CSE1L: variants seen among roughly 807,000 people sequenced by gnomAD.
The protein encoded by CSE1L is exportin-2.
A neutral mutation model predicts 120.4 loss-of-function variants in CSE1L; 24 were observed. That is an observed-to-expected ratio of 0.20 (90% CI 0.14 to 0.28). CSE1L has a LOEUF of 0.28. CSE1L is among the 10% of genes least tolerant of loss of function. The pLI, the probability that CSE1L is intolerant of heterozygous loss-of-function variation, is 1.00. For synonymous variants in CSE1L, 402 were observed against 398.3 expected (o/e 1.01, Z -0.11); for missense variants, 830 against 1,145.2 (o/e 0.72, Z 3.97).
At chr20:49,081,776 C>T (rs1937059482) in intron 14 of CSE1L, among the ~76,000 whole-genome samples, 1 of 152,164 alleles carries the variant, frequency 6.6e-6, no homozygotes, top group African/African-American at 2.4e-5. Context: ...AACTTGCACT[C>T]ATCTTATTTC....
chr20:49,091,917 A>G (rs1419288849), intron 21 of CSE1L, 129 bp from the exon 22 acceptor site: 1 of 629,814 alleles, frequency 1.6e-6, no homozygotes, highest in African/African-American at 1.9e-5. Context: ...TCTATTTACT[A>G]GAAGGCAGGT....
rs543451759 is a variant in CSE1L, at chr20:49,050,667, TC to T, written c.-12+4247del. On this transcript the variant is annotated intron_variant, in intron 1 of 24. Transcript: ENST00000262982. Reference sequence around the variant, plus strand: ...CTCAGATGATCCGCCTGCTTCGGCCTCCCAAAGTGCTGGGATTACAGACGTA... The same window carrying T: ...CTCAGATGATCCGCCTGCTTCGGCCTCCAAAGTGCTGGGATTACAGACGTA... 1.6e-3 allele frequency among the ~76,000 whole-genome samples: 240 copies of T among 151,954 alleles called. 1 individual carries two copies. The highest frequency in any genetic ancestry group is 5.6e-3 in the African/African-American group (230 of 41,422).
At chr20:49,091,996 G>A (rs1568788729) in intron 21 of CSE1L, 50 bp from the exon 22 acceptor site, 1 of 999,164 alleles carries the variant, frequency 1.0e-6, no homozygotes, top group Non-Finnish European at 1.6e-6. Flanking sequence ...TCAGTTACCA[G>A]TTTAGTGCGT....
chr20:49,075,193 GTTCT>G, intron 11 of CSE1L, 121 bp from the exon 12 acceptor site: 1 of 770,644 alleles, frequency 1.3e-6, no homozygotes, highest in African/African-American at 1.8e-5. Context: ...TTTGTTTTTC[GTTCT>G]TTTTTTTCCG....
At position 49,094,011 on chromosome 20, in the gene CSE1L, AT is replaced by A. The variant is rs2092121692; in HGVS notation, c.2448-128del. Reference sequence around the variant, plus strand: ...ATGTTTTGACTTTCAGTCTCTTCAGATGATCAAAAACAGCAGTCTTGTTATT... The same window carrying A: ...ATGTTTTGACTTTCAGTCTCTTCAGAGATCAAAAACAGCAGTCTTGTTATT... On this transcript the variant is annotated intron_variant, in intron 22 of 24. Transcript: ENST00000262982. 6.2e-5 allele frequency: 39 copies of A among 627,532 alleles called. No individual in the cohort carries two copies. In the South Asian group the frequency reaches 6.8e-4, roughly 11 times the overall value. 38.9% of individuals were successfully genotyped at this position (627,532 alleles called of 1,614,324 possible). A position where few individuals can be genotyped will look rare whatever the true frequency, so the allele number is the denominator to read the frequency against.
intron 7 of CSE1L, among the ~76,000 whole-genome samples, chr20:49,069,668 AT>A (rs1489199846): frequency 6.6e-6 from 1 of 152,200 alleles, no homozygotes; most frequent in Non-Finnish European, 1.5e-5. Flanking sequence ...GAGTACTACT[AT>A]TTTTGCTTAC....
At chr20:49,061,489 AT>A (rs747121923) in intron 2 of CSE1L, among the ~76,000 whole-genome samples, 15 of 76,696 alleles carry the variant, frequency 2.0e-4, no homozygotes, top group African/African-American at 6.9e-4. Flanking sequence ...TATTATTATT[AT>A]TTATTTATTT....
intron 17 of CSE1L, 144 bp from the exon 18 acceptor site, chr20:49,089,103 C>CA (rs1250691579): frequency 1.5e-6 from 1 of 670,344 alleles, no homozygotes; most frequent in African/African-American, 1.9e-5. Flanking sequence ...AAAAAAAATT[C>CA]AAATGAACAA....
At chr20:49,091,980 G>T in intron 21 of CSE1L, 66 bp from the exon 22 acceptor site, 2 of 839,100 alleles carry the variant, frequency 2.4e-6, no homozygotes, top group South Asian at 3.0e-5. Context: ...TTATTTTGCA[G>T]ACTTATCAGT....
rs1491524094 is a variant in CSE1L at position 49,089,225 on chromosome 20, GGT to G, written c.1822-21_1822-20del. On this transcript the variant is annotated intron_variant, in intron 17 of 24. Coordinates refer to ENST00000262982, the MANE Select transcript of CSE1L (RefSeq NM_001316.4). ...TAGGTGTGGATTATTAGCATAATTA[GGT>G]TTTTTTTTTTTAATTTCAGAACCCA... The G allele has an allele frequency of 1.4e-5, 20 of 1,429,380 alleles. No individual in the cohort carries two copies. Among genetic ancestry groups the G allele is most frequent in the East Asian group, 1.4e-4 (6 of 43,612 alleles). The allele number at this position is 1,429,380 out of a possible 1,614,324, so 88.5% of individuals were successfully genotyped here. A position where few individuals can be genotyped will look rare whatever the true frequency, so the allele number is the denominator to read the frequency against.
intron 2 of CSE1L, among the ~76,000 whole-genome samples, chr20:49,060,342 C>T (rs1283267697): frequency 1.3e-5 from 2 of 151,212 alleles, no homozygotes; most frequent in Non-Finnish European, 2.9e-5. Flanking sequence ...ATTAGCTGGG[C>T]GTGGTGGTGC....
chr20:49,049,081 G>A (rs754234760), intron 1 of CSE1L, among the ~76,000 whole-genome samples: 4 of 152,178 alleles, frequency 2.6e-5, no homozygotes, highest in Admixed American at 6.5e-5. Flanking sequence ...TGGAAATTTA[G>A]ATGTCTGCCA....
chr20:49,067,476 T>C (rs2091901749), intron 6 of CSE1L, among the ~76,000 whole-genome samples, 196 bp downstream of exon 6: 1 of 152,182 alleles, frequency 6.6e-6, no homozygotes. Context: ...AATTTAATGG[T>C]TAGCAACGTT....
intron 3 of CSE1L, among the ~76,000 whole-genome samples, chr20:49,063,675 G>A (rs747135096): frequency 6.6e-6 from 1 of 152,190 alleles, no homozygotes; most frequent in African/African-American, 2.4e-5. Flanking sequence ...CGGGTTGCTA[G>A]GGAGTGAGAC....
At position 49,090,876 on chromosome 20, in the gene CSE1L, AT is replaced by A. The variant is rs755979228; in HGVS notation, c.2279+41del. On this transcript the variant is annotated intron_variant, in intron 20 of 24. Transcript: ENST00000262982. ...TAGAACTTTGTGCATTTATTTAGAA[AT>A]TTTGTTAGGTGCTCAGAAAAGTCCT... 6 of 1,603,246 alleles carry A rather than the reference AT, an allele frequency of 3.7e-6. No individual in the cohort carries two copies. The Admixed American group carries it at 8.5e-5, about 23-fold the overall frequency.
intron 2 of CSE1L, among the ~76,000 whole-genome samples, chr20:49,058,795 GA>G (rs1261371556): frequency 6.6e-6 from 1 of 152,126 alleles, no homozygotes; most frequent in Non-Finnish European, 1.5e-5. Context: ...GACATGTTTA[GA>G]ATGCTTTGTC....
At position 49,087,861 on chromosome 20, in the gene CSE1L, T is replaced by G. The variant is rs554828086; in HGVS notation, c.1724-148T>G. ...TTTTAAAAGGAAGGGAAATTTAGAT[T>G]ATTTTTAAATGTAGAGAGCTATCTC... On this transcript the variant is annotated intron_variant, in intron 16 of 24. Coordinates refer to ENST00000262982, the MANE Select transcript of CSE1L (RefSeq NM_001316.4). The G allele has an allele frequency of 2.2e-5, 12 of 539,648 alleles. 1 individual carries two copies. The South Asian group carries it at 3.2e-4, about 14-fold the overall frequency. 33.4% of individuals were successfully genotyped at this position (539,648 alleles called of 1,614,324 possible). A position where few individuals can be genotyped will look rare whatever the true frequency, so the allele number is the denominator to read the frequency against.
intron 1 of CSE1L, among the ~76,000 whole-genome samples, chr20:49,057,470 T>G (rs1435122260): frequency 6.6e-6 from 1 of 151,094 alleles, no homozygotes; most frequent in Non-Finnish European, 1.5e-5. Flanking sequence ...TTTTTTTTTT[T>G]TTAAGACAGG....
intron 2 of CSE1L, 76 bp from the exon 3 acceptor site, chr20:49,063,126 T>TTA (rs1555821992): frequency 1.4e-4 from 103 of 724,778 alleles, no homozygotes; most frequent in Middle Eastern, 4.9e-4. Flanking sequence ...TGATTTTTTT[T>TTA]TATATATATA....
Sources: gnomAD v4.1 joint callset for allele counts (sites outside exome capture counted in the v4.1 genomes callset) on GRCh38, gnomAD v4.1.1 for gene constraint, MANE v1.5 for transcripts, NCBI Gene and HGNC (gene_info 2026-07-23, HGNC 2026-07-21) for gene names.